The following ASIC2 variants were observed in gnomAD, a reference collection of about 807,000 sequenced individuals.
ASIC2 encodes the protein acid-sensing ion channel 2.
ASIC2 carries 25 observed loss-of-function variants against 57.3 expected under a neutral mutation model. The ratio of observed to expected loss-of-function variants is 0.44; its 90% CI spans 0.32 to 0.61. The LOEUF (loss-of-function observed/expected upper bound fraction) is 0.61. Ranked by LOEUF, ASIC2 falls within the 20% of genes least tolerant of loss-of-function variation. The probability of loss-of-function intolerance (pLI) is 0.06; values close to 1 mark genes in which losing one functional copy is unlikely to be tolerated. For synonymous variants in ASIC2, 319 were observed against 307.5 expected, an observed-to-expected ratio of 1.04 and a Z score of -0.39; for missense variants, 641 against 738.1, an observed-to-expected ratio of 0.87 and a Z score of 1.52.
chr17:33,850,981 G>T (rs1461474749), intron 1 of ASIC2, among the ~76,000 whole-genome samples: 3 of 152,328 alleles, frequency 2.0e-5, no homozygotes, highest in Admixed American at 2.0e-4. Context: ...GGACAGCCAT[G>T]TGCAAGTGGA....
chr17:33,154,636 AG>A (rs1904927610), intron 1 of ASIC2, among the ~76,000 whole-genome samples: 1 of 152,212 alleles, frequency 6.6e-6, no homozygotes, highest in South Asian at 2.1e-4. Context: ...TCTATCCACC[AG>A]GCCTCTTTGG....
intron 1 of ASIC2, among the ~76,000 whole-genome samples, chr17:33,279,247 C>T (rs913959423): frequency 6.6e-6 from 1 of 152,182 alleles, no homozygotes; most frequent in Non-Finnish European, 1.5e-5. Flanking sequence ...TCAGAGACAG[C>T]CTGCTATCAG....
At chr17:33,843,171 G>A (rs568083894) in intron 1 of ASIC2, among the ~76,000 whole-genome samples, 26 of 152,148 alleles carry the variant, frequency 1.7e-4, no homozygotes, top group South Asian at 6.2e-4. Context: ...TCTTTCTTCC[G>A]CTGGAATGTA....
chr17:33,710,748 G>T (rs1597844776), intron 1 of ASIC2, among the ~76,000 whole-genome samples: 1 of 152,116 alleles, frequency 6.6e-6, no homozygotes, highest in Non-Finnish European at 1.5e-5. Flanking sequence ...CAAGCATATT[G>T]GTAGGGAAGC....
intron 1 of ASIC2, among the ~76,000 whole-genome samples, chr17:34,139,988 C>G (rs972174779): frequency 1.3e-5 from 2 of 152,118 alleles, no homozygotes; most frequent in African/African-American, 4.8e-5. Context: ...TTAAAAGAGA[C>G]AAAATAACCA....
chr17:33,019,017 G>A (rs367868593), intron 7 of ASIC2, among the ~76,000 whole-genome samples: 1 of 152,284 alleles, frequency 6.6e-6, no homozygotes, highest in African/African-American at 2.4e-5. Context: ...AGTGGAACGC[G>A]GTGCTGGCCT....
At chr17:33,467,761 A>AT (rs1912912441) in intron 1 of ASIC2, among the ~76,000 whole-genome samples, 1 of 152,214 alleles carries the variant, frequency 6.6e-6, no homozygotes, top group Admixed American at 6.5e-5. Context: ...CTGGAAGCAG[A>AT]TCCCCCACCT....
At chr17:33,560,109 T>C (rs1916027169) in intron 1 of ASIC2, among the ~76,000 whole-genome samples, 1 of 152,184 alleles carries the variant, frequency 6.6e-6, no homozygotes, top group Non-Finnish European at 1.5e-5. Flanking sequence ...AATACAGCTG[T>C]CGAGGCAAGG....
At chr17:33,473,880 C>T (rs190237425) in intron 1 of ASIC2, among the ~76,000 whole-genome samples, 81 of 152,194 alleles carry the variant, frequency 5.3e-4, no homozygotes, top group South Asian at 1.7e-3. Context: ...CCCATGAGGG[C>T]ACCCCCTTCA....
At chr17:33,165,793 G>T (rs1905288993) in intron 1 of ASIC2, among the ~76,000 whole-genome samples, 1 of 152,070 alleles carries the variant, frequency 6.6e-6, no homozygotes, top group Admixed American at 6.5e-5. Flanking sequence ...GGTAATGGAG[G>T]ATTTGCCTTT....
At chr17:33,869,149 G>A (rs765390470) in intron 1 of ASIC2, among the ~76,000 whole-genome samples, 4 of 152,256 alleles carry the variant, frequency 2.6e-5, no homozygotes, top group African/African-American at 4.8e-5. Flanking sequence ...ATAAGCACAC[G>A]AAGTGACGCT....
At chr17:33,420,730 T>C (rs545582133) in intron 1 of ASIC2, among the ~76,000 whole-genome samples, 1 of 152,202 alleles carries the variant, frequency 6.6e-6, no homozygotes, top group East Asian at 1.9e-4. Flanking sequence ...AAGGGGTAAA[T>C]ATTGCTCCCA....
chr17:33,020,304 C>G (rs574148831), intron 7 of ASIC2, among the ~76,000 whole-genome samples: 1 of 152,256 alleles, frequency 6.6e-6, no homozygotes, highest in African/African-American at 2.4e-5. Flanking sequence ...TTATTAAACC[C>G]ATCTTGCAGA....
At chr17:33,836,591 A>G (rs1051748359) in intron 1 of ASIC2, among the ~76,000 whole-genome samples, 4 of 152,178 alleles carry the variant, frequency 2.6e-5, no homozygotes, top group Admixed American at 1.3e-4. Flanking sequence ...GCAGTGGCTC[A>G]GATCTGTAAT....
chr17:33,034,446 A>G (rs1215046564), intron 3 of ASIC2, among the ~76,000 whole-genome samples: 2 of 152,180 alleles, frequency 1.3e-5, no homozygotes, highest in Non-Finnish European at 2.9e-5. Flanking sequence ...ACAGTGAGCT[A>G]TGATTGTGCC....
At chr17:33,384,878 C>A (rs1192653227) in intron 1 of ASIC2, among the ~76,000 whole-genome samples, 1 of 152,126 alleles carries the variant, frequency 6.6e-6, no homozygotes, top group East Asian at 1.9e-4. Flanking sequence ...CTCATATGCC[C>A]AATGCCATCA....
At chr17:33,578,817 T>C (rs1382192988) in intron 1 of ASIC2, among the ~76,000 whole-genome samples, 1 of 152,162 alleles carries the variant, frequency 6.6e-6, no homozygotes, top group Non-Finnish European at 1.5e-5. Context: ...GTTCATATAG[T>C]TCAGGGACTG....
In ASIC2 at chr17:34,154,233, G is replaced by A. The variant is rs75683583; in HGVS notation, c.555+1745C>T. ...AGCGTTGCCAGGCGCTAGAAAGAAC[G>A]GGGTGGAATATAGTGATGGCTTCAG... On this transcript the variant is annotated intron_variant, in intron 1 of 9. Transcript: ENST00000359872. 7.5e-3 allele frequency among the ~76,000 whole-genome samples: 1,137 copies of A among 152,276 alleles called. 17 individuals carry two copies. The highest frequency in any genetic ancestry group is 0.026 in the African/African-American group (1,079 of 41,542).
intron 2 of ASIC2, among the ~76,000 whole-genome samples, chr17:33,098,956 AAAC>A (rs2092197331): frequency 6.7e-6 from 1 of 149,932 alleles, no homozygotes; most frequent in South Asian, 2.1e-4. Context: ...ATATATATAT[AAAC>A]AAAAATATAT....
Sources: gnomAD v4.1 joint callset for allele counts (sites outside exome capture counted in the v4.1 genomes callset) on GRCh38, gnomAD v4.1.1 for gene constraint, MANE v1.5 for transcripts, NCBI Gene and HGNC (gene_info 2026-07-23, HGNC 2026-07-21) for gene names.